The following FAT1 variants were observed in gnomAD, a reference collection of about 807,000 sequenced individuals.
The protein encoded by FAT1 is FAT atypical cadherin 1.
Under a neutral mutation model 329.8 loss-of-function variants are expected in FAT1, and 171 were observed. That is an observed-to-expected ratio of 0.52 (90% confidence interval 0.46 to 0.59). The LOEUF (loss-of-function observed/expected upper bound fraction) is 0.59, where lower values mean the gene tolerates loss of function less well. Among genes scored for constraint, FAT1 ranks in the 20% least tolerant of loss-of-function variants. The pLI is 0.00. For synonymous variants in FAT1, 2,233 were observed against 2,228.6 expected, an observed-to-expected ratio of 1.00 and a Z score of -0.06; for missense variants, 5,672 against 5,774.4, an observed-to-expected ratio of 0.98 and a Z score of 0.57.
In FAT1 at chr4:186,599,944, G is replaced by A. The variant is rs1367660635; in HGVS notation, c.12057C>T (p.Ser4019=). ...CFLTATEDCA[S]NPCQNGGVCN... The stretch of plus-strand genomic sequence containing the variant: ...AAACGCCTCCATTCTGGCAAGGGTT[G>A]CTGGCGCAGTCTTCCGTGGCCGTCA... Residue 4019 remains serine, a synonymous_variant, in exon 22 of 27, where the codon AGC becomes AGT. Transcript: ENST00000441802. 5 of 1,613,910 alleles carry A rather than the reference G, an allele frequency of 3.1e-6. No homozygotes were observed. The South Asian group carries it at 5.5e-5, about 18-fold the overall frequency.
At chr4:186,650,303 A>G (rs1048208446) in intron 3 of FAT1, among the ~76,000 whole-genome samples, 3 of 152,198 alleles carry the variant, frequency 2.0e-5, no homozygotes, top group Non-Finnish European at 4.4e-5. Flanking sequence ...TTCTGAGTAT[A>G]TTATTTCTCA....
At chr4:186,724,183 T>TAAAAAAAAA (rs59026469), upstream of FAT1, among the ~76,000 whole-genome samples, 1 of 71,322 alleles carries the variant, frequency 1.4e-5, no homozygotes, top group Admixed American at 1.6e-4. The surrounding 1 kb of genome is among the most constrained non-coding windows in gnomAD (Gnocchi z 5.3). Context: ...TTAGCTTAGC[T>TAAAAAAAAA]AAAAAAAAAA....
chr4:186,645,413 A>C lies in FAT1; in HGVS notation c.3581-5630T>G, dbSNP rs1281829590. On this transcript the variant is annotated intron_variant, in intron 3 of 26. Transcript: ENST00000441802. ...TATATATATATATATATATATATATATATATATATGCCTGTAAAAAACTGA... is the reference window on the plus strand; with the variant it reads ...TATATATATATATATATATATATATCTATATATATGCCTGTAAAAAACTGA... Among the ~76,000 whole-genome samples, 257 of 74,886 alleles carry C rather than the reference A, an allele frequency of 3.4e-3. 11 individuals are homozygous for C. Among genetic ancestry groups the C allele is most frequent in the African/African-American group, 0.014 (236 of 17,442 alleles). 49.1% of individuals were successfully genotyped at this position (74,886 alleles called of 152,430 possible). A position where few individuals can be genotyped will look rare whatever the true frequency, so the allele number is the denominator to read the frequency against.
chr4:186,621,092 C>A lies in FAT1; in HGVS notation c.5494G>T (p.Val1832Leu), dbSNP rs2126522087. 1.2e-6 allele frequency: 2 copies of A among 1,613,642 alleles called. No individual in the cohort carries two copies. Among genetic ancestry groups the A allele is most frequent in the Non-Finnish European group, 1.7e-6 (2 of 1,179,886 alleles). Residue 1832 changes from valine (V) to leucine (L), a missense_variant, in exon 10 of 27, where the codon GTA (valine) becomes TTA (leucine). Transcript: ENST00000441802. ...GTTTCTTCATAGTCCAGACTTAGTA[C>A]TGTATGAATAGCACCAGTGCTAGAA... ...IDSSTGAIHTVLSLDYEETSI... is the reference protein window; with the variant it reads ...IDSSTGAIHTLLSLDYEETSI...
At position 186,618,574 on chromosome 4, in the gene FAT1, A is replaced by G; in HGVS notation, c.8012T>C (p.Phe2671Ser). 1 of 1,614,058 alleles carries G rather than the reference A, an allele frequency of 6.2e-7. No homozygotes were observed. Among genetic ancestry groups the G allele is most frequent in the Middle Eastern group, 1.6e-4 (1 of 6,062 alleles). ...CCCATTATCCACAGCTCTAACAAAG[A>G]AAGTGAAGAATTCATTTTCCAAGCC... ...LIGLENEFFTFFVRAVDNGSP... is the reference protein window; with the variant it reads ...LIGLENEFFTSFVRAVDNGSP... Residue 2671 changes from phenylalanine to serine, a missense_variant, in exon 10 of 27, where the codon TTC becomes TCC. By Grantham distance (155) the Phe-to-Ser change is radical. Transcript: ENST00000441802.
intron 2 of FAT1, among the ~76,000 whole-genome samples, chr4:186,665,086 T>G (rs1215652788): frequency 6.6e-6 from 1 of 152,188 alleles, no homozygotes; most frequent in Non-Finnish European, 1.5e-5. Context: ...CTTAGCTAAA[T>G]AAAATGTGAA....
chr4:186,718,962 C>T (rs546448379), intron 1 of FAT1, among the ~76,000 whole-genome samples: 2 of 152,276 alleles, frequency 1.3e-5, no homozygotes, highest in South Asian at 4.1e-4. Context: ...CCACTCACTC[C>T]CCTCCCCAAC....
Position 186,661,320 on chromosome 4 carries a change from A to G in FAT1, c.3580+1979T>C, listed in dbSNP as rs548956532. Among the ~76,000 whole-genome samples the G allele has an allele frequency of 7.2e-5, 11 of 152,312 alleles. No homozygotes were observed. The East Asian group carries it at 2.1e-3, about 29-fold the overall frequency. On this transcript the variant is annotated intron_variant, in intron 3 of 26. Coordinates refer to ENST00000441802, the MANE Select transcript of FAT1 (RefSeq NM_005245.4). ...CTGTGTGTCATAAGCCCCTCATTCC[A>G]GAGAGGGTCCCGCTCCATATCCTGG...
At chr4:186,605,471 G>C (rs1262068954) in intron 17 of FAT1, among the ~76,000 whole-genome samples, 1 of 130,882 alleles carries the variant, frequency 7.6e-6, no homozygotes, top group Non-Finnish European at 1.6e-5. Context: ...GTGGGGAGGA[G>C]GAAGAGGAGG....
chr4:186,696,491 C>T (rs1169937700), intron 2 of FAT1, among the ~76,000 whole-genome samples: 8 of 152,110 alleles, frequency 5.3e-5, no homozygotes. Context: ...ATGAACACCC[C>T]CTGAGCAGGC....
At position 186,588,544 on chromosome 4, in the gene FAT1, A is replaced by G. The variant is rs2126345643; in HGVS notation, c.*48T>C. The G allele has an allele frequency of 1.3e-6, 2 of 1,562,834 alleles. No individual in the cohort carries two copies. The highest frequency in any genetic ancestry group is 1.7e-6 in the Non-Finnish European group (2 of 1,156,738). On this transcript the variant is annotated 3_prime_UTR_variant, in exon 27 of 27. Coordinates refer to ENST00000441802, the MANE Select transcript of FAT1 (RefSeq NM_005245.4). Reference sequence around the variant, plus strand: ...GCAAAGAACAGCGCGGATTACTCACATCACCTCTAGGTTCACTAAAGTCAG... The same window carrying G: ...GCAAAGAACAGCGCGGATTACTCACGTCACCTCTAGGTTCACTAAAGTCAG...
At chr4:186,722,829 A>C (rs1745520322) in intron 1 of FAT1, among the ~76,000 whole-genome samples, 1 of 152,220 alleles carries the variant, frequency 6.6e-6, no homozygotes, top group Non-Finnish European at 1.5e-5. Context: ...ACTTTTAAAA[A>C]ATCGCCTCTA....
In FAT1 at chr4:186,588,918, G is replaced by C. The variant is rs35485176; in HGVS notation, c.13441C>G (p.Arg4481Gly). The C allele has an allele frequency of 6.2e-7, 1 of 1,613,904 alleles. No homozygotes were observed. ...AGSLGSSSRN[R>G]QRFNLNQYLP... ...TACTGATTCAAGTTGAACCTCTGCC[G>C]GTTTCTTGATGAAGAACCCAAGCTA... The change falls in exon 27 of 27, where the codon CGG (arginine) becomes GGG (glycine). Residue 4481 changes from arginine (R) to glycine (G), a missense_variant. Physicochemically the swap from Arg to Gly is moderately radical, Grantham distance 125. Around this residue, in one of 2 missense-constraint regions of FAT1, gnomAD observed 1,706 missense variants for 1,859.1 expected, o/e 0.92. Coordinates refer to ENST00000441802, the MANE Select transcript of FAT1 (RefSeq NM_005245.4).
rs1261701363 is a variant in FAT1 at position 186,709,053 on chromosome 4, CTGT to C, written c.772_774del (p.Thr258del). On this transcript the variant is annotated inframe_deletion, in exon 2 of 27. Transcript: ENST00000441802. ...AGTTCTGATGGTGACAATGTCACTG[CTGT>C]TATCACCGGAGCACATTCATTGGCC... 6.2e-7 allele frequency: 1 copy of C among 1,613,988 alleles called. No individual in the cohort carries two copies. Among genetic ancestry groups the C allele is most frequent in the Non-Finnish European group, 8.5e-7 (1 of 1,179,878 alleles).
chr4:186,698,513 A>C (rs1744142773), intron 2 of FAT1, among the ~76,000 whole-genome samples: 1 of 152,254 alleles, frequency 6.6e-6, no homozygotes, highest in Non-Finnish European at 1.5e-5. Context: ...AGTACATAAA[A>C]GATAAGAAAC....
chr4:186,605,880 G>T (rs1345939521), intron 17 of FAT1, among the ~76,000 whole-genome samples, 190 bp downstream of exon 17: 1 of 152,088 alleles, frequency 6.6e-6, no homozygotes, highest in Non-Finnish European at 1.5e-5. Context: ...TCAAAGCACG[G>T]AAAGGAAAGA....
rs769565871 is a variant in FAT1 at position 186,606,196 on chromosome 4, G to A, written c.10224C>T (p.Leu3408=). 18 of 1,612,768 alleles carry A rather than the reference G, an allele frequency of 1.1e-5. No individual in the cohort carries two copies. Among genetic ancestry groups the A allele is most frequent in the East Asian group, 2.2e-5 (1 of 44,806 alleles). ...TGCCATTATCAGAAGCTTGAACCGT[G>A]AGCGTGTAACCTGAAATCTTTTCAG... ...LDRETISGYT[L]TVQASDNGSP... The change falls in exon 17 of 27, where the codon CTC becomes CTT. Residue 3408 remains leucine (L), a synonymous_variant. Transcript: ENST00000441802.
chr4:186,673,183 T>G, intron 2 of FAT1, among the ~76,000 whole-genome samples: 1 of 152,144 alleles, frequency 6.6e-6, no homozygotes, highest in Non-Finnish European at 1.5e-5. Context: ...ATAAACAAGG[T>G]GATCAGCAGA....
chr4:186,651,023 ATAAT>A (rs1451946261), intron 3 of FAT1, among the ~76,000 whole-genome samples: 1 of 150,788 alleles, frequency 6.6e-6, no homozygotes, highest in Non-Finnish European at 1.5e-5. Flanking sequence ...GAAGTATTAA[ATAAT>A]TAAATAATTT....
Sources: gnomAD v4.1 joint callset for allele counts (sites outside exome capture counted in the v4.1 genomes callset) on GRCh38, gnomAD v4.1.1 for gene constraint, gnomAD v4.1.1 regional missense constraint, Gnocchi (gnomAD v3.1) non-coding constraint, MANE v1.5 for transcripts, NCBI Gene and HGNC (gene_info 2026-07-23, HGNC 2026-07-21) for gene names.